The following ZER1 variants were observed in gnomAD, a reference collection of about 807,000 sequenced individuals.
ZER1 encodes protein zer-1 homolog.
Under a neutral mutation model 78.8 loss-of-function variants are expected in ZER1, and 11 were observed. The ratio of observed to expected loss-of-function variants is 0.14; its 90% CI spans 0.09 to 0.23. The LOEUF is 0.23. Ranked by LOEUF, ZER1 falls within the 10% of genes least tolerant of loss-of-function variation. ZER1 has a pLI of 1.00. For synonymous variants in ZER1, 400 were observed against 407.0 expected, an observed-to-expected ratio of 0.98 and a Z score of 0.21; for missense variants, 588 against 996.9, an observed-to-expected ratio of 0.59 and a Z score of 5.52.
At chr9:128,767,342 G>A (rs1318022289) in intron 1 of ZER1, among the ~76,000 whole-genome samples, 1 of 152,074 alleles carries the variant, frequency 6.6e-6, no homozygotes, top group Non-Finnish European at 1.5e-5. Flanking sequence ...CACCTCTCAC[G>A]TTCAAGCAAT....
Position 128,753,210 on chromosome 9 carries a change from G to T in ZER1, c.700C>A (p.Leu234Met). ...ATGACCCGGATGTGGTCGTCGGACA[G>T]GTCCATGTTGTAGAGGACGAGGGAC... ...LVSLVLYNMD[L>M]SDDHIRVIVQ... is the part of the protein sequence containing the mutation. Residue 234 changes from leucine to methionine, a missense_variant, in exon 4 of 16, where the codon CTG becomes ATG. Leu to Met is a conservative substitution (Grantham distance 15). This residue lies in a region of ZER1 where 406 missense variants were observed against 660.1 expected (regional missense o/e 0.62). Transcript: ENST00000291900. This position sits in a 1 kb window ranked among gnomAD's most constrained non-coding sequence, Gnocchi z 7.5. 1 of 1,580,198 alleles carries T rather than the reference G, an allele frequency of 6.3e-7. No homozygotes were observed. Among genetic ancestry groups the T allele is most frequent in the East Asian group, 2.3e-5 (1 of 43,088 alleles).
intron 1 of ZER1, among the ~76,000 whole-genome samples, chr9:128,760,508 GT>G (rs1176332073): frequency 2.6e-5 from 4 of 152,058 alleles, no homozygotes; most frequent in African/African-American, 9.7e-5. Context: ...AGCCCCAAAA[GT>G]TTTCTTTTAA....
At chr9:128,750,583 G>C (rs200767416) in intron 8 of ZER1, 33 bp downstream of exon 8, 18 of 1,606,970 alleles carry the variant, frequency 1.1e-5, no homozygotes, top group East Asian at 1.1e-4. Context: ...GGCTGGGCCA[G>C]AGCATGCGGG....
Position 128,755,361 on chromosome 9 carries a change from C to T in ZER1, c.158+47G>A, listed in dbSNP as rs759983646. ...CACACGGTCCCAATCTCTCTATACACATTCATGGTAAGACCCCTGCCCCTC... is the reference window on the plus strand; with the variant it reads ...CACACGGTCCCAATCTCTCTATACATATTCATGGTAAGACCCCTGCCCCTC... On this transcript the variant is annotated intron_variant, in intron 2 of 15. Transcript: ENST00000291900. The surrounding 1 kb of genome is among the most constrained non-coding windows in gnomAD (Gnocchi z 5.6). The T allele has an allele frequency of 1.9e-6, 3 of 1,609,474 alleles. No homozygotes were observed. The highest frequency in any genetic ancestry group is 2.2e-5 in the East Asian group (1 of 44,740).
intron 1 of ZER1, among the ~76,000 whole-genome samples, chr9:128,758,528 C>A (rs1392507828): frequency 1.3e-5 from 2 of 152,058 alleles, no homozygotes; most frequent in Non-Finnish European, 2.9e-5. Context: ...AAGCGATCCT[C>A]CCACCTTAGC....
chr9:128,742,794 G>A lies in ZER1; in HGVS notation c.1360-49C>T, dbSNP rs1469572428. 3 of 1,543,826 alleles carry A rather than the reference G, an allele frequency of 1.9e-6. No homozygotes were observed. In the East Asian group the frequency reaches 7.3e-5, roughly 37 times the overall value. ...GGGGCACATTCAGGGTCAGACTCAG[G>A]AGCAGGGCTCTAGGAACTATCTAGA... On this transcript the variant is annotated intron_variant, in intron 8 of 15. Transcript: ENST00000291900.
chr9:128,736,185 C>T (rs1311570769), intron 13 of ZER1, among the ~76,000 whole-genome samples: 2 of 152,006 alleles, frequency 1.3e-5, no homozygotes, highest in Admixed American at 1.3e-4. Flanking sequence ...CTCCTGACCT[C>T]GTGATCCACC....
At position 128,753,331 on chromosome 9, in the gene ZER1, G is replaced by A; in HGVS notation, c.579C>T (p.Ser193=). The A allele has an allele frequency of 6.2e-7, 1 of 1,613,624 alleles. No homozygotes were observed. Among genetic ancestry groups the A allele is most frequent in the Non-Finnish European group, 8.5e-7 (1 of 1,179,844 alleles). The change falls in exon 4 of 16, where the codon TCC becomes TCT. Residue 193 remains serine, a synonymous_variant. Coordinates refer to ENST00000291900, the MANE Select transcript of ZER1 (RefSeq NM_006336.4). The surrounding 1 kb of genome is among the most constrained non-coding windows in gnomAD (Gnocchi z 7.5). ...CCAGGGAGTTAAGCGGCCGCAGCAGGGACTCCACAGGGACCCAATCAATCA... is the reference window on the plus strand; with the variant it reads ...CCAGGGAGTTAAGCGGCCGCAGCAGAGACTCCACAGGGACCCAATCAATCA... ...GRMIDWVPVE[S]LLRPLNSLAA...
In ZER1 at chr9:128,753,223, G is replaced by A. The variant is rs560676367; in HGVS notation, c.687C>T (p.Leu229=). The part of the protein sequence containing the change: ...QWKDSLVSLV[L]YNMDLSDDHI... ...GGTCGTCGGACAGGTCCATGTTGTAGAGGACGAGGGACACCAGGCTGTCTT... is the reference window on the plus strand; with the variant it reads ...GGTCGTCGGACAGGTCCATGTTGTAAAGGACGAGGGACACCAGGCTGTCTT... Residue 229 remains leucine, a synonymous_variant, in exon 4 of 16, where the codon CTC becomes CTT. Coordinates refer to ENST00000291900, the MANE Select transcript of ZER1 (RefSeq NM_006336.4). This position sits in a 1 kb window ranked among gnomAD's most constrained non-coding sequence, Gnocchi z 7.5. 6.3e-7 allele frequency: 1 copy of A among 1,585,448 alleles called. No homozygotes were observed. The highest frequency in any genetic ancestry group is 8.6e-7 in the Non-Finnish European group (1 of 1,166,194).
chr9:128,744,945 CTACTGTGAGCCATGTATT>C (rs1863436065), intron 8 of ZER1, among the ~76,000 whole-genome samples: 1 of 152,126 alleles, frequency 6.6e-6, no homozygotes, highest in African/African-American at 2.4e-5. Context: ...TAAGAGTTGG[CTACTGTGAGCCATGTATT>C]ATACCTGCAT....
At chr9:128,743,728 C>A (rs1200680238) in intron 8 of ZER1, among the ~76,000 whole-genome samples, 1 of 150,486 alleles carries the variant, frequency 6.6e-6, no homozygotes, top group African/African-American at 2.4e-5. Flanking sequence ...CCCCTGCTTT[C>A]TTTAATTTTA....
rs1330409206 is a variant in ZER1 at position 128,753,370 on chromosome 9, G to A, written c.540C>T (p.Leu180=). 1 of 1,613,954 alleles carries A rather than the reference G, an allele frequency of 6.2e-7. No individual in the cohort carries two copies. The highest frequency in any genetic ancestry group is 1.1e-5 in the South Asian group (1 of 91,016). ...CCCAATCAATCATGCGGCCCAAGTT[G>A]AGGAAGCGGAGGCGGCTGAAGCCCT... ...TFEGFSRLRF[L]NLGRMIDWVP... Residue 180 remains leucine (L), a synonymous_variant, in exon 4 of 16, where the codon CTC becomes CTT. Transcript: ENST00000291900. This position sits in a 1 kb window ranked among gnomAD's most constrained non-coding sequence, Gnocchi z 7.5.
In ZER1 at chr9:128,742,668, G is replaced by A. The variant is rs1393569226; in HGVS notation, c.1437C>T (p.Asn479=). 2.5e-5 allele frequency: 41 copies of A among 1,614,088 alleles called. No homozygotes were observed. Among genetic ancestry groups the A allele is most frequent in the Non-Finnish European group, 3.4e-5 (40 of 1,180,044 alleles). Residue 479 remains asparagine, a synonymous_variant, in exon 9 of 16, where the codon AAC becomes AAT. Coordinates refer to ENST00000291900, the MANE Select transcript of ZER1 (RefSeq NM_006336.4). ...EELEFQYRRV[N]ELLLSILNPT... Reference sequence around the variant, plus strand: ...GGTTGAGGATGCTGAGCAGGAGCTCGTTGACCCGGCGGTACTGGAATTCCA... The same window carrying A: ...GGTTGAGGATGCTGAGCAGGAGCTCATTGACCCGGCGGTACTGGAATTCCA...
chr9:128,734,694 T>C (rs891768733), intron 14 of ZER1, among the ~76,000 whole-genome samples: 2 of 152,088 alleles, frequency 1.3e-5, no homozygotes, highest in Non-Finnish European at 2.9e-5. Flanking sequence ...CTCCTAAAGA[T>C]GGTGATCCTT....
rs1446435284 is a variant in ZER1 at position 128,752,771 on chromosome 9, C to T, written c.825G>A (p.Val275=). 1.2e-6 allele frequency: 2 copies of T among 1,614,184 alleles called. No homozygotes were observed. The highest frequency in any genetic ancestry group is 3.3e-5 in the Admixed American group (2 of 60,008). Residue 275 remains valine, a synonymous_variant, in exon 5 of 16, where the codon GTG becomes GTA. Coordinates refer to ENST00000291900, the MANE Select transcript of ZER1 (RefSeq NM_006336.4). The part of the protein sequence containing the change: ...KLTREVLSLF[V]QKLGNLMSLD... ...GGGACATTAGGTTCCCCAGCTTCTG[C>T]ACAAAGAGGCTCAGCACCTCCCGAG...
intron 1 of ZER1, among the ~76,000 whole-genome samples, chr9:128,757,449 G>T (rs1262908141): frequency 6.6e-6 from 1 of 151,958 alleles, no homozygotes; most frequent in Non-Finnish European, 1.5e-5. Flanking sequence ...CTGAGCCCAA[G>T]AGGTTGAGGC....
chr9:128,761,545 C>G (rs1301840427), intron 1 of ZER1, among the ~76,000 whole-genome samples: 1 of 150,376 alleles, frequency 6.6e-6, no homozygotes, highest in African/African-American at 2.4e-5. Flanking sequence ...CCTCGCCTCC[C>G]AAAATGGTGG....
chr9:128,739,132 G>A (rs901699144), intron 13 of ZER1, among the ~76,000 whole-genome samples: 1 of 151,940 alleles, frequency 6.6e-6, no homozygotes, highest in East Asian at 1.9e-4. Flanking sequence ...TTACAGGCGT[G>A]AACCACTGCA....
rs73626578 is a variant in ZER1, at chr9:128,732,061, G to A, written c.2244-667C>T. ...CACTGCAGCCTCTGTGTGTTAAAGGGATGCCCCAATACCTTTTAGGAAACA... is the reference window on the plus strand; with the variant it reads ...CACTGCAGCCTCTGTGTGTTAAAGGAATGCCCCAATACCTTTTAGGAAACA... On this transcript the variant is annotated intron_variant, in intron 15 of 15. Transcript: ENST00000291900. The surrounding 1 kb of genome is among the most constrained non-coding windows in gnomAD (Gnocchi z 4.8). Among the ~76,000 whole-genome samples, 5,068 of 152,358 alleles carry A rather than the reference G, an allele frequency of 0.033. 95 individuals are homozygous for A. The highest frequency in any genetic ancestry group is 0.061 in the Middle Eastern group (18 of 294).
Sources: allele counts gnomAD v4.1 joint callset (sites outside exome capture counted in the v4.1 genomes callset), GRCh38; gene constraint gnomAD v4.1.1; regional missense constraint gnomAD v4.1.1; non-coding constraint Gnocchi (gnomAD v3.1); transcripts MANE v1.5; gene names NCBI Gene and HGNC (gene_info 2026-07-23, HGNC 2026-07-21).